The following URB1 variants were observed in gnomAD, a reference collection of about 807,000 sequenced individuals.
The protein encoded by URB1 is URB1 ribosome biogenesis factor, also known as nucleolar pre-ribosomal-associated protein 1.
URB1 carries 197 observed loss-of-function variants against 242.3 expected under a neutral mutation model. That is an observed-to-expected ratio of 0.81 (90% confidence interval 0.72 to 0.91). The LOEUF (loss-of-function observed/expected upper bound fraction) is 0.91, where lower values mean the gene tolerates loss of function less well. Among genes scored for constraint, URB1 ranks in the 40% least tolerant of loss-of-function variants. The probability of loss-of-function intolerance (pLI) is 0.00; values close to 1 mark genes in which losing one functional copy is unlikely to be tolerated. For synonymous variants in URB1, 1,153 were observed against 1,201.8 expected (o/e 0.96, Z 0.84); for missense variants, 2,721 against 2,860.5 (o/e 0.95, Z 1.11).
intron 30 of URB1, 93 bp downstream of exon 30, chr21:32,333,224 C>T: frequency 1.0e-6 from 1 of 1,001,776 alleles, no homozygotes; most frequent in Non-Finnish European, 1.5e-6. Context: ...TTCAGGTCCT[C>T]ATGTGGTAAT....
intron 13 of URB1, 88 bp downstream of exon 13, chr21:32,360,919 C>T (rs1043654624): frequency 4.2e-5 from 39 of 920,038 alleles, no homozygotes; most frequent in Non-Finnish European, 5.6e-5. Flanking sequence ...CAACCGTCCA[C>T]CAGCCTTCCT....
rs149119834 is a variant in URB1, at chr21:32,353,820, C to T, written c.2416+113G>A. 687 of 1,313,616 alleles carry T rather than the reference C, an allele frequency of 5.2e-4. 2 individuals carry two copies. The African/African-American group carries it at 9.3e-3, about 18-fold the overall frequency. 81.4% of individuals were successfully genotyped at this position (1,313,616 alleles called of 1,614,324 possible). A position where few individuals can be genotyped will look rare whatever the true frequency, so the allele number is the denominator to read the frequency against. ...CTATCACTCTGGGGGTTCTGACCTC[C>T]TATTGCCCTGGATTCTCAGCAATTG... On this transcript the variant is annotated intron_variant, in intron 18 of 38. Transcript: ENST00000382751.
chr21:32,389,553 G>C (rs1219093500), intron 1 of URB1, among the ~76,000 whole-genome samples: 5 of 152,184 alleles, frequency 3.3e-5, no homozygotes, highest in African/African-American at 7.2e-5. Flanking sequence ...GAAGGAAAGA[G>C]GGGGAGCAGA....
intron 8 of URB1, among the ~76,000 whole-genome samples, chr21:32,369,586 G>A (rs147663523): frequency 1.2e-4 from 19 of 152,128 alleles, no homozygotes; most frequent in African/African-American, 3.9e-4. Flanking sequence ...CAGCCTCCTG[G>A]GTAGCTGGGA....
At chr21:32,366,262 T>C (rs1308970678) in intron 10 of URB1, among the ~76,000 whole-genome samples, 2 of 152,198 alleles carry the variant, frequency 1.3e-5, no homozygotes, top group Non-Finnish European at 2.9e-5. Flanking sequence ...TCTAAACTAA[T>C]GAGATTTTAA....
At chr21:32,386,831 G>A (rs1252586110) in intron 1 of URB1, among the ~76,000 whole-genome samples, 1 of 152,088 alleles carries the variant, frequency 6.6e-6, no homozygotes, top group Non-Finnish European at 1.5e-5. Context: ...TGAGGCCCTT[G>A]TCCAAAGGTA....
In URB1 at chr21:32,350,896, C is replaced by A. The variant is rs373405149; in HGVS notation, c.2640G>T (p.Ser880=). Residue 880 remains serine (S), a synonymous_variant, in exon 20 of 39, where the codon TCG becomes TCT. Coordinates refer to ENST00000382751, the MANE Select transcript of URB1 (RefSeq NM_014825.3). ...ACGAGGCCAAGGGAAGGGCAGGGGG[C>A]GAGGGGCTGCCCTGTGCCTGCAGCA... ...AWLLQAQGSP[S]PPALPLASSF... 1 of 1,548,260 alleles carries A rather than the reference C, an allele frequency of 6.5e-7. No individual in the cohort carries two copies. The highest frequency in any genetic ancestry group is 2.0e-5 in the Admixed American group (1 of 50,974).
rs1319809796 is a variant in URB1 at position 32,349,423 on chromosome 21, C to T, written c.2893G>A (p.Val965Ile). Residue 965 changes from valine (V) to isoleucine (I), a missense_variant, in exon 21 of 39, where the codon GTT becomes ATT. Coordinates refer to ENST00000382751, the MANE Select transcript of URB1 (RefSeq NM_014825.3). Reference sequence around the variant, plus strand: ...GCATCCAGCTGCTCACAGTGGACAACCAGGCGCCTGAGGAGATCCAGGAAG... The same window carrying T: ...GCATCCAGCTGCTCACAGTGGACAATCAGGCGCCTGAGGAGATCCAGGAAG... ...QLFLDLLRRL[V>I]VHCEQLDAQN... 36 of 1,551,336 alleles carry T rather than the reference C, an allele frequency of 2.3e-5. No individual in the cohort carries two copies. In the South Asian group the frequency reaches 4.2e-4, roughly 18 times the overall value.
At chr21:32,331,394 A>G (rs966825112) in intron 30 of URB1, among the ~76,000 whole-genome samples, 9 of 152,242 alleles carry the variant, frequency 5.9e-5, no homozygotes, top group Non-Finnish European at 8.8e-5. Context: ...TTCTGGCAAG[A>G]TGGAGTAGAC....
At chr21:32,350,125 GAA>G (rs760382498) in intron 20 of URB1, among the ~76,000 whole-genome samples, 5 of 55,404 alleles carry the variant, frequency 9.0e-5, no homozygotes, top group African/African-American at 6.7e-5. Context: ...CTCTGTCTCA[GAA>G]AAAAAAAAAA....
rs1392250527 is a variant in URB1 at position 32,378,472 on chromosome 21, T to A, written c.637A>T (p.Thr213Ser). 6.4e-7 allele frequency: 1 copy of A among 1,551,702 alleles called. No individual in the cohort carries two copies. The highest frequency in any genetic ancestry group is 1.2e-5 in the South Asian group (1 of 84,056). ...TTCACTTCCAACACCTGCACTATAGTGCTGTCATCACCCGCAATTAAAAAG... is the reference window on the plus strand; with the variant it reads ...TTCACTTCCAACACCTGCACTATAGAGCTGTCATCACCCGCAATTAAAAAG... ...LSFLIAGDDSTIVQVLEVKEF... is the reference protein window; with the variant it reads ...LSFLIAGDDSSIVQVLEVKEF... The change falls in exon 5 of 39, where the codon ACT (threonine) becomes TCT (serine). Residue 213 changes from threonine to serine, a missense_variant. Physicochemically the swap from Thr to Ser is moderately conservative, Grantham distance 58 (BLOSUM62 1). Transcript: ENST00000382751.
Position 32,347,123 on chromosome 21 carries a change from G to A in URB1, c.3701C>T (p.Ala1234Val), listed in dbSNP as rs1314279751. 5 of 1,549,472 alleles carry A rather than the reference G, an allele frequency of 3.2e-6. No homozygotes were observed. The highest frequency in any genetic ancestry group is 4.4e-6 in the Non-Finnish European group (5 of 1,146,368). Residue 1234 changes from alanine to valine, a missense_variant, in exon 22 of 39, where the codon GCT becomes GTT. Ala to Val is a moderately conservative substitution (Grantham distance 64). Coordinates refer to ENST00000382751, the MANE Select transcript of URB1 (RefSeq NM_014825.3). ...ARRTQAALSI[A>V]ALLLQESCTH... Reference sequence around the variant, plus strand: ...GCAGCTCTCCTGGAGGAGCAGGGCAGCGATGCTGAGGGCCGCCTGTGTGCG... The same window carrying A: ...GCAGCTCTCCTGGAGGAGCAGGGCAACGATGCTGAGGGCCGCCTGTGTGCG...
chr21:32,369,213 A>T, intron 8 of URB1, among the ~76,000 whole-genome samples: 1 of 152,108 alleles, frequency 6.6e-6, no homozygotes, highest in East Asian at 1.9e-4. Flanking sequence ...ACACAAAAAA[A>T]TTAGCCAGGC....
intron 30 of URB1, among the ~76,000 whole-genome samples, chr21:32,328,436 C>T (rs1489798494): frequency 1.3e-5 from 2 of 152,130 alleles, no homozygotes; most frequent in Non-Finnish European, 2.9e-5. Context: ...CCGTGCCCAG[C>T]CTAATTTTCT....
At chr21:32,345,278 C>G (rs1339266887) in intron 23 of URB1, 96 bp downstream of exon 23, 2 of 1,330,016 alleles carry the variant, frequency 1.5e-6, no homozygotes, top group Non-Finnish European at 1.0e-6. Context: ...TGGGGCACAA[C>G]AGTAATGCAG....
At chr21:32,389,629 G>A (rs1181105066) in intron 1 of URB1, among the ~76,000 whole-genome samples, 1 of 152,254 alleles carries the variant, frequency 6.6e-6, no homozygotes, top group Admixed American at 6.5e-5. Context: ...GATGCAGACG[G>A]AGGGTTCTGG....
intron 5 of URB1, chr21:32,377,207 T>C (rs753922014): frequency 5.8e-6 from 3 of 518,962 alleles, no homozygotes; most frequent in South Asian, 4.2e-5. Flanking sequence ...CCCACTTCAG[T>C]GCCAGCAGCC....
rs570896712 is a variant in URB1 at position 32,344,292 on chromosome 21, G to A, written c.4257+278C>T. ...GTTAATATAATTCATCTTATTGGTAGACTAATCAAAAAACAAGACATTATA... is the reference window on the plus strand; with the variant it reads ...GTTAATATAATTCATCTTATTGGTAAACTAATCAAAAAACAAGACATTATA... On this transcript the variant is annotated intron_variant, in intron 24 of 38. Coordinates refer to ENST00000382751, the MANE Select transcript of URB1 (RefSeq NM_014825.3). 1.7e-4 allele frequency among the ~76,000 whole-genome samples: 26 copies of A among 152,218 alleles called. 1 individual carries two copies. In the South Asian group the frequency reaches 5.4e-3, roughly 32 times the overall value.
At chr21:32,373,511 C>T in intron 7 of URB1, 136 bp downstream of exon 7, 1 of 986,576 alleles carries the variant, frequency 1.0e-6, no homozygotes, top group South Asian at 2.9e-5. Flanking sequence ...TTAATACAAC[C>T]ATATAACCAC....
Sources: gnomAD v4.1 joint callset for allele counts (sites outside exome capture counted in the v4.1 genomes callset) on GRCh38, gnomAD v4.1.1 for gene constraint, MANE v1.5 for transcripts, NCBI Gene and HGNC (gene_info 2026-07-23, HGNC 2026-07-21) for gene names.